DCAF10: variants seen among roughly 807,000 people sequenced by gnomAD.
The protein encoded by DCAF10 is DDB1- and CUL4-associated factor 10.
Under a neutral mutation model 51.9 loss-of-function variants are expected in DCAF10, and 19 were observed. The observed-to-expected ratio is 0.37, with a 90% CI of 0.26 to 0.54. The LOEUF is 0.54. Among genes scored for constraint, DCAF10 ranks in the 20% least tolerant of loss-of-function variants. DCAF10 has a pLI of 0.87. For synonymous variants in DCAF10, 291 were observed against 297.1 expected, an observed-to-expected ratio of 0.98 and a Z score of 0.21; for missense variants, 510 against 730.6, an observed-to-expected ratio of 0.70 and a Z score of 3.48.
chr9:37,841,211 T>G (rs1397051256), intron 2 of DCAF10, among the ~76,000 whole-genome samples: 1 of 152,206 alleles, frequency 6.6e-6, no homozygotes, highest in Non-Finnish European at 1.5e-5. Flanking sequence ...GCCTGGTATT[T>G]GAAAACCGTG....
chr9:37,824,333 T>C (rs955813677), intron 2 of DCAF10, among the ~76,000 whole-genome samples: 1 of 152,094 alleles, frequency 6.6e-6, no homozygotes, highest in Non-Finnish European at 1.5e-5. Context: ...TGGGAAGGTA[T>C]AATATGTTAA....
At chr9:37,826,197 T>TA (rs1163517481) in intron 2 of DCAF10, among the ~76,000 whole-genome samples, 1 of 151,136 alleles carries the variant, frequency 6.6e-6, no homozygotes, top group East Asian at 1.9e-4. Context: ...CTCCTGCAAA[T>TA]AAAAATCAGG....
intron 5 of DCAF10, 147 bp downstream of exon 5, chr9:37,857,498 T>C (rs1830886969): frequency 1.9e-6 from 1 of 535,004 alleles, no homozygotes; most frequent in Admixed American, 4.0e-5. Context: ...AGTCATCATC[T>C]TCAAAAAGCT....
chr9:37,828,606 T>G (rs775234703), intron 2 of DCAF10, among the ~76,000 whole-genome samples: 1 of 152,174 alleles, frequency 6.6e-6, no homozygotes, highest in Non-Finnish European at 1.5e-5. Context: ...TTAAAACTTA[T>G]ATAGAACAGC....
intron 2 of DCAF10, among the ~76,000 whole-genome samples, chr9:37,838,656 C>T (rs894641129): frequency 1.9e-4 from 29 of 152,044 alleles, no homozygotes; most frequent in African/African-American, 6.3e-4. Context: ...TTTGGGAGGC[C>T]GAGGCAGGCA....
intron 2 of DCAF10, among the ~76,000 whole-genome samples, chr9:37,839,460 A>C (rs1240653269): frequency 6.6e-6 from 1 of 152,170 alleles, no homozygotes; most frequent in African/African-American, 2.4e-5. Context: ...GGCTGGTCTC[A>C]AACTCCTGAG....
At chr9:37,823,389 A>G (rs1462469636) in intron 2 of DCAF10, among the ~76,000 whole-genome samples, 2 of 152,206 alleles carry the variant, frequency 1.3e-5, no homozygotes, top group Admixed American at 6.5e-5. Context: ...CAGATTACCT[A>G]CAGAAGTACA....
At chr9:37,846,440 A>G (rs774278235) in intron 3 of DCAF10, among the ~76,000 whole-genome samples, 51 of 152,212 alleles carry the variant, frequency 3.4e-4, no homozygotes, top group Non-Finnish European at 6.2e-4. Flanking sequence ...AATTACTGAA[A>G]TTGACTTAAG....
intron 3 of DCAF10, among the ~76,000 whole-genome samples, chr9:37,853,703 C>T (rs1015118095): frequency 1.4e-4 from 22 of 152,008 alleles, no homozygotes; most frequent in African/African-American, 5.1e-4. Context: ...ACATCCCAGG[C>T]TCAAACCATC....
intron 1 of DCAF10, among the ~76,000 whole-genome samples, chr9:37,807,843 G>C (rs1211777550): frequency 1.3e-5 from 2 of 151,732 alleles, no homozygotes; most frequent in Non-Finnish European, 2.9e-5. Context: ...TGTATTTTTA[G>C]TAGAGATGAG....
At chr9:37,808,729 TA>T (rs1430478927) in intron 1 of DCAF10, among the ~76,000 whole-genome samples, 2 of 128,130 alleles carry the variant, frequency 1.6e-5, no homozygotes, top group African/African-American at 2.9e-5. Context: ...AATTTATATA[TA>T]AAAATATATA....
intron 2 of DCAF10, among the ~76,000 whole-genome samples, chr9:37,837,269 G>A (rs1339198116): frequency 6.6e-6 from 1 of 151,844 alleles, no homozygotes; most frequent in Admixed American, 6.6e-5. Context: ...GACCATCCTG[G>A]CTAACACGGT....
At chr9:37,843,572 A>C (rs1830394649) in intron 3 of DCAF10, among the ~76,000 whole-genome samples, 1 of 152,250 alleles carries the variant, frequency 6.6e-6, no homozygotes. Context: ...GAAGCAGAGA[A>C]GGGAAGGAAA....
rs1017976547 is a variant in DCAF10, at chr9:37,831,094, A to G, written c.654-10995A>G. 2.0e-5 allele frequency among the ~76,000 whole-genome samples: 3 copies of G among 152,082 alleles called. No homozygotes were observed. The East Asian group carries it at 5.8e-4, about 29-fold the overall frequency. On this transcript the variant is annotated intron_variant, in intron 2 of 6. Coordinates refer to ENST00000377724, the MANE Select transcript of DCAF10 (RefSeq NM_024345.5). ...AAAAATTAGCTGGGCGTGGTGGCAC[A>G]CGCCTGCAGTCCCAGCTACTCGGGA...
At chr9:37,832,406 C>T (rs1589096485) in intron 2 of DCAF10, among the ~76,000 whole-genome samples, 1 of 151,474 alleles carries the variant, frequency 6.6e-6, no homozygotes, top group South Asian at 2.1e-4. Context: ...TGCAGTGAGC[C>T]GAGATCACGC....
intron 2 of DCAF10, chr9:37,836,324 A>T: frequency 1.9e-6 from 3 of 1,609,214 alleles, no homozygotes; most frequent in Non-Finnish European, 2.5e-6. Context: ...AGACACAATT[A>T]GAACAGTTAC....
chr9:37,858,501 T>C (rs1440564504), intron 5 of DCAF10: 1 of 152,206 alleles, frequency 6.6e-6, no homozygotes, highest in African/African-American at 2.4e-5. Flanking sequence ...GTTAACATGC[T>C]TGCTTGTTAT....
At chr9:37,808,382 T>G (rs1340826052) in intron 1 of DCAF10, among the ~76,000 whole-genome samples, 2 of 149,028 alleles carry the variant, frequency 1.3e-5, no homozygotes, top group Non-Finnish European at 3.0e-5. Flanking sequence ...CACTCCAGCC[T>G]GGGCGACAGC....
chr9:37,861,568 T>G lies in DCAF10; in HGVS notation c.*60T>G. ...GTTTGACTTAGGAATTGCTTCAATT[T>G]AGATGAAGTATTTTCTTTTTAGAAG... On this transcript the variant is annotated 3_prime_UTR_variant, in exon 7 of 7. Transcript: ENST00000377724. The surrounding 1 kb of genome is among the most constrained non-coding windows in gnomAD (Gnocchi z 4.9). The G allele has an allele frequency of 3.9e-6, 6 of 1,536,620 alleles. No homozygotes were observed. The highest frequency in any genetic ancestry group is 5.2e-6 in the Non-Finnish European group (6 of 1,144,334).
Sources: gnomAD v4.1 joint callset for allele counts (sites outside exome capture counted in the v4.1 genomes callset) on GRCh38, gnomAD v4.1.1 for gene constraint, Gnocchi (gnomAD v3.1) non-coding constraint, MANE v1.5 for transcripts, NCBI Gene and HGNC (gene_info 2026-07-23, HGNC 2026-07-21) for gene names.